NTRK2: variants seen among roughly 807,000 people sequenced by gnomAD.
NTRK2 encodes BDNF/NT-3 growth factors receptor.
A neutral mutation model predicts 94.5 loss-of-function variants in NTRK2; 13 were observed. That is an observed-to-expected ratio of 0.14 (90% CI 0.09 to 0.22). NTRK2 has a LOEUF of 0.22. Ranked by LOEUF, NTRK2 falls within the 10% of genes least tolerant of loss-of-function variation. The pLI is 1.00. For missense variants in NTRK2, 639 were observed against 1,071.2 expected (o/e 0.60, Z 5.63); for synonymous variants, 372 against 407.4 (o/e 0.91, Z 1.05).
intron 14 of NTRK2, among the ~76,000 whole-genome samples, chr9:84,925,492 T>C (rs897595667): frequency 6.6e-6 from 1 of 152,184 alleles, no homozygotes; most frequent in East Asian, 1.9e-4. Context: ...CTCCTGCCTC[T>C]GATTAGTTCA....
chr9:84,997,606 G>A (rs77586425), intron 17 of NTRK2, among the ~76,000 whole-genome samples: 6,384 of 152,198 alleles, frequency 0.042, 211 homozygotes, highest in Non-Finnish European at 0.061. Context: ...CTCCCCTGGG[G>A]CAAGTGAACA....
intron 14 of NTRK2, chr9:84,874,552 T>G: frequency 9.4e-7 from 1 of 1,064,562 alleles, no homozygotes; most frequent in Non-Finnish European, 1.1e-6. Flanking sequence ...TTTTGTTTAG[T>G]TTTTCTTGAT....
chr9:84,737,599 A>T (rs554317508), intron 9 of NTRK2, among the ~76,000 whole-genome samples: 3 of 152,218 alleles, frequency 2.0e-5, no homozygotes, highest in Admixed American at 1.3e-4. Context: ...CTTTGTCAGG[A>T]GTGCGGCTGT....
chr9:84,801,204 C>G lies in NTRK2; in HGVS notation c.1396+49119C>G, dbSNP rs537413272. Among the ~76,000 whole-genome samples the G allele has an allele frequency of 3.9e-5, 6 of 152,274 alleles. No individual in the cohort carries two copies. The South Asian group carries it at 1.2e-3, about 32-fold the overall frequency. ...GATAACTGAGGTTCAGAGAGGTCCC[C>G]TCACTTGGCCAGCATCACATAGCTC... is the stretch of plus-strand genomic sequence containing the variant. On this transcript the variant is annotated intron_variant, in intron 12 of 18. Coordinates refer to ENST00000277120, the MANE Select transcript of NTRK2 (RefSeq NM_006180.6).
chr9:84,873,130 C>T, intron 14 of NTRK2: 1 of 1,064,250 alleles, frequency 9.4e-7, no homozygotes, highest in African/African-American at 1.6e-5. Flanking sequence ...TGACCATGGT[C>T]CATTTTGATG....
Position 84,752,639 on chromosome 9 carries a change from G to A in NTRK2, c.1396+554G>A, listed in dbSNP as rs115115248. Among the ~76,000 whole-genome samples the A allele has an allele frequency of 8.6e-3, 1,312 of 152,224 alleles. 21 individuals carry two copies. Among genetic ancestry groups the A allele is most frequent in the African/African-American group, 0.03 (1,254 of 41,522 alleles). ...TTATTTAAGTGGAAAAATTAGCAGG[G>A]CTAGATTAAAAATTAGGCACTAATT... On this transcript the variant is annotated intron_variant, in intron 12 of 18. Coordinates refer to ENST00000277120, the MANE Select transcript of NTRK2 (RefSeq NM_006180.6).
At chr9:84,791,398 AT>A (rs2068719492) in intron 12 of NTRK2, among the ~76,000 whole-genome samples, 5 of 152,200 alleles carry the variant, frequency 3.3e-5, no homozygotes, top group African/African-American at 1.2e-4. Context: ...TCAACTGACT[AT>A]TGTCTCTGTA....
At chr9:84,812,359 G>T (rs1044058164) in intron 12 of NTRK2, 4 of 1,058,746 alleles carry the variant, frequency 3.8e-6, no homozygotes, top group Non-Finnish European at 4.6e-6. Context: ...GCCTTAAAGA[G>T]GGGCAGTTTC....
chr9:84,784,220 G>A (rs2067899177), intron 12 of NTRK2, among the ~76,000 whole-genome samples: 1 of 152,118 alleles, frequency 6.6e-6, no homozygotes, highest in South Asian at 2.1e-4. Flanking sequence ...TTTTTAAATT[G>A]AGAAATAATA....
chr9:84,857,708 A>G (rs1228465365), intron 12 of NTRK2, among the ~76,000 whole-genome samples: 2 of 152,196 alleles, frequency 1.3e-5, no homozygotes, highest in Non-Finnish European at 2.9e-5. Context: ...TTTAAGAATA[A>G]TTTTGTCAAA....
chr9:84,925,658 C>T (rs768085261), intron 14 of NTRK2, among the ~76,000 whole-genome samples: 18 of 152,260 alleles, frequency 1.2e-4, no homozygotes, highest in East Asian at 1.2e-3. Flanking sequence ...TGCTGAGCTG[C>T]GGACTTTTGA....
chr9:84,898,068 T>C (rs1452266148), intron 14 of NTRK2, among the ~76,000 whole-genome samples: 3 of 152,010 alleles, frequency 2.0e-5, no homozygotes, highest in African/African-American at 7.2e-5. Flanking sequence ...GTTTTTTTTT[T>C]TTTTTCTATG....
intron 17 of NTRK2, among the ~76,000 whole-genome samples, chr9:84,988,344 G>C (rs931532201): frequency 2.0e-5 from 3 of 152,144 alleles, no homozygotes; most frequent in Non-Finnish European, 2.9e-5. Context: ...AGGGAATTAA[G>C]GTGATCTCAT....
At chr9:84,689,973 A>C (rs1192382949) in intron 2 of NTRK2, among the ~76,000 whole-genome samples, 4 of 152,196 alleles carry the variant, frequency 2.6e-5, no homozygotes, top group Admixed American at 2.6e-4. Context: ...CCTTTTGCAA[A>C]ATAACTTACT....
chr9:84,976,193 G>A (rs1022330350), intron 17 of NTRK2, among the ~76,000 whole-genome samples: 1 of 152,160 alleles, frequency 6.6e-6, no homozygotes, highest in Admixed American at 6.5e-5. Flanking sequence ...CACCCCTGGA[G>A]GCTAGAAGTC....
rs1564102310 is a variant in NTRK2, at chr9:84,710,674, A to G, written c.466A>G (p.Ile156Val). ...CAATCCATTTACATGCTCCTGTGAC[A>G]TTATGTGGATCAAGACTCTCCAAGA... ...VGNPFTCSCDIMWIKTLQEAK... is the reference protein window; with the variant it reads ...VGNPFTCSCDVMWIKTLQEAK... The change falls in exon 6 of 19, where the codon ATT (isoleucine) becomes GTT (valine). Residue 156 changes from isoleucine (I) to valine (V), a missense_variant. By Grantham distance (29) the Ile-to-Val change is conservative. Transcript: ENST00000277120. The G allele has an allele frequency of 2.5e-6, 4 of 1,614,058 alleles. No homozygotes were observed. The Admixed American group carries it at 6.7e-5, about 27-fold the overall frequency.
At chr9:84,891,750 A>C (rs999200555) in intron 14 of NTRK2, among the ~76,000 whole-genome samples, 2 of 152,188 alleles carry the variant, frequency 1.3e-5, no homozygotes, top group African/African-American at 4.8e-5. Context: ...ATTGACGTTC[A>C]TGTCTATGTT....
chr9:84,680,012 G>C (rs776883422), intron 2 of NTRK2, among the ~76,000 whole-genome samples: 11 of 152,194 alleles, frequency 7.2e-5, no homozygotes, highest in East Asian at 1.9e-4. Context: ...TGACCTCTTT[G>C]GTTAGTCTCT....
intron 12 of NTRK2, among the ~76,000 whole-genome samples, chr9:84,801,362 G>A (rs1213789357): frequency 1.3e-5 from 2 of 152,234 alleles, no homozygotes; most frequent in East Asian, 1.9e-4. Flanking sequence ...TGCGTGGAAT[G>A]ACTGTACTTT....
Sources: allele counts gnomAD v4.1 joint callset (sites outside exome capture counted in the v4.1 genomes callset), GRCh38; gene constraint gnomAD v4.1.1; transcripts MANE v1.5; gene names NCBI Gene and HGNC (gene_info 2026-07-23, HGNC 2026-07-21).